The following ZNF536 variants were observed in gnomAD, a reference collection of about 807,000 sequenced individuals.
The protein encoded by ZNF536 is zinc finger protein 536.
ZNF536 carries 13 observed loss-of-function variants against 84.5 expected under a neutral mutation model. That is an observed-to-expected ratio of 0.15 (90% CI 0.10 to 0.24). The LOEUF is 0.24. Ranked by LOEUF, ZNF536 falls within the 10% of genes least tolerant of loss-of-function variation. ZNF536 has a pLI of 1.00. For missense variants in ZNF536, 1,536 were observed against 1,747.5 expected (o/e 0.88, Z 2.16); for synonymous variants, 811 against 742.5 (o/e 1.09, Z -1.50).
At chr19:30,443,245 A>T (rs946712860) in intron 1 of ZNF536, among the ~76,000 whole-genome samples, 1 of 152,204 alleles carries the variant, frequency 6.6e-6, no homozygotes, top group Non-Finnish European at 1.5e-5. Context: ...AAAGTTTCAC[A>T]CGTAGACCCT....
intron 2 of ZNF536, among the ~76,000 whole-genome samples, chr19:30,339,433 C>T (rs763352446): frequency 2.0e-5 from 3 of 152,194 alleles, no homozygotes; most frequent in Non-Finnish European, 4.4e-5. Context: ...GGGTGAGGTG[C>T]AGGTGGGAAT....
chr19:30,670,828 T>A (rs2050522024), intron 1 of ZNF536, among the ~76,000 whole-genome samples: 2 of 152,200 alleles, frequency 1.3e-5, no homozygotes, highest in Admixed American at 1.3e-4. Flanking sequence ...CTCTGCTGTA[T>A]CCCTGCCAGG....
At chr19:30,598,508 C>T (rs1004980179) in intron 1 of ZNF536, among the ~76,000 whole-genome samples, 1 of 152,148 alleles carries the variant, frequency 6.6e-6, no homozygotes, top group African/African-American at 2.4e-5. Flanking sequence ...CCTAGGGACT[C>T]CACTTTCTTC....
chr19:30,291,694 T>C (rs1286698936), intron 2 of ZNF536, among the ~76,000 whole-genome samples: 1 of 152,244 alleles, frequency 6.6e-6, no homozygotes, highest in Non-Finnish European at 1.5e-5. Context: ...ATTTGGCATT[T>C]CTGCCAGCAG....
chr19:30,371,196 A>G (rs1001155282), upstream of ZNF536, among the ~76,000 whole-genome samples: 1 of 152,238 alleles, frequency 6.6e-6, no homozygotes, highest in Non-Finnish European at 1.5e-5. Flanking sequence ...AAAAATGACA[A>G]TCTGCCACCT....
intron 1 of ZNF536, among the ~76,000 whole-genome samples, chr19:30,701,851 T>C (rs1010088670): frequency 3.3e-5 from 5 of 152,164 alleles, no homozygotes; most frequent in East Asian, 1.9e-4. Context: ...CTGCCATATC[T>C]CCCTACTGAC....
Position 30,700,495 on chromosome 19 carries a change from C to A in ZNF536, c.170-10262C>A, listed in dbSNP as rs193078597. 2.7e-3 allele frequency among the ~76,000 whole-genome samples: 404 copies of A among 152,200 alleles called. 1 individual carries two copies. The highest frequency in any genetic ancestry group is 9.2e-3 in the African/African-American group (383 of 41,500). The stretch of plus-strand genomic sequence containing the variant: ...CTCCAACTCTTGGGCTCAAGTGACC[C>A]TCCTGCCTCAGGCTCCCAAGTAGCT... On this transcript the variant is annotated intron_variant, in intron 1 of 1. Transcript: ENST00000592773.
At chr19:30,337,816 A>G (rs2047428912) in intron 2 of ZNF536, among the ~76,000 whole-genome samples, 1 of 152,232 alleles carries the variant, frequency 6.6e-6, no homozygotes, top group Non-Finnish European at 1.5e-5. Context: ...AACGCATGGA[A>G]GTTGAAGAAC....
At chr19:30,498,488 CTGGGCTTAATACCTAGGTGA>C (rs1397189852) in intron 2 of ZNF536, among the ~76,000 whole-genome samples, 2 of 152,010 alleles carry the variant, frequency 1.3e-5, no homozygotes, top group African/African-American at 4.8e-5. Context: ...CTAATGAATA[CTGGGCTTAATACCTAGGTGA>C]TGGGTTAACA....
chr19:30,280,849 C>A lies in ZNF536; in HGVS notation c.-189-3223C>A, dbSNP rs760765685. 5.9e-5 allele frequency among the ~76,000 whole-genome samples: 9 copies of A among 152,294 alleles called. No homozygotes were observed. The East Asian group carries it at 1.2e-3, about 20-fold the overall frequency. Reference sequence around the variant, plus strand: ...GACGATATGGGAGGGAGGAGGGTGCCTCATCCCCTGTGGGGAGCCCTTGTG... The same window carrying A: ...GACGATATGGGAGGGAGGAGGGTGCATCATCCCCTGTGGGGAGCCCTTGTG... On this transcript the variant is annotated intron_variant, in intron 1 of 5. Coordinates refer to the ZNF536 transcript ENST00000585628.
chr19:30,431,079 T>C (rs1402358091), intron 1 of ZNF536, among the ~76,000 whole-genome samples: 1 of 152,180 alleles, frequency 6.6e-6, no homozygotes, highest in African/African-American at 2.4e-5. Context: ...CTGATCACGG[T>C]TCGAAATTGG....
At chr19:30,703,783 T>A (rs1030716085) in intron 1 of ZNF536, among the ~76,000 whole-genome samples, 26 of 152,192 alleles carry the variant, frequency 1.7e-4, no homozygotes, top group Non-Finnish European at 3.7e-4. Context: ...TTCTTCGTCA[T>A]TTACCAATGT....
chr19:30,268,417 T>C (rs1468323102), intron 1 of ZNF536, among the ~76,000 whole-genome samples: 2 of 152,178 alleles, frequency 1.3e-5, no homozygotes, highest in African/African-American at 2.4e-5. Flanking sequence ...GGTATAGTCC[T>C]GGTGTGGTTT....
intron 1 of ZNF536, among the ~76,000 whole-genome samples, chr19:30,653,622 G>T (rs1206278349): frequency 6.6e-6 from 1 of 152,028 alleles, no homozygotes; most frequent in African/African-American, 2.4e-5. Context: ...TCCCTTAGGA[G>T]CAGAGGATGG....
At chr19:30,702,810 C>T (rs998916565) in intron 1 of ZNF536, among the ~76,000 whole-genome samples, 1 of 152,114 alleles carries the variant, frequency 6.6e-6, no homozygotes, top group Non-Finnish European at 1.5e-5. Flanking sequence ...TGTTCCTTTG[C>T]TGGAAAAAAA....
At position 30,612,313 on chromosome 19, in the gene ZNF536, G is replaced by A. The variant is rs536169673; in HGVS notation, c.169+62799G>A. On this transcript the variant is annotated intron_variant, in intron 1 of 1. Coordinates refer to the ZNF536 transcript ENST00000592773. ...AGGGTGTTGAGACTCTTGGATATAA[G>A]TAATTAGATTTCAGGCAAGCTCTCA... 1.4e-4 allele frequency among the ~76,000 whole-genome samples: 21 copies of A among 152,296 alleles called. No individual in the cohort carries two copies. The South Asian group carries it at 4.4e-3, about 32-fold the overall frequency.
intron 2 of ZNF536, among the ~76,000 whole-genome samples, chr19:30,492,721 G>T (rs1202527707): frequency 6.6e-6 from 1 of 152,120 alleles, no homozygotes; most frequent in Non-Finnish European, 1.5e-5. Flanking sequence ...TATGCTGTTG[G>T]CTCTTACTCA....
rs374170552 is a variant in ZNF536, at chr19:30,549,306, G to A, written c.3687G>A (p.Pro1229=). ...QGLVSPLSQA[P]EKQWHSQGLL... ...TGGTCTCACCTTTATCCCAAGCACC[G>A]GAGAAGCAGTGGCACAGCCAGGGTC... Residue 1229 remains proline (P), a synonymous_variant, in exon 4 of 5, where the codon CCG becomes CCA. Transcript: ENST00000355537. The A allele has an allele frequency of 8.5e-5, 137 of 1,612,546 alleles. No individual in the cohort carries two copies. The highest frequency in any genetic ancestry group is 1.0e-4 in the Non-Finnish European group (122 of 1,179,428).
intron 1 of ZNF536, among the ~76,000 whole-genome samples, chr19:30,646,992 C>T (rs894746599): frequency 6.6e-6 from 1 of 152,112 alleles, no homozygotes; most frequent in African/African-American, 2.4e-5. Context: ...TCATTCTCCA[C>T]CCCCCACCAC....
Sources: gnomAD v4.1 joint callset for allele counts (sites outside exome capture counted in the v4.1 genomes callset) on GRCh38, gnomAD v4.1.1 for gene constraint, MANE v1.5 for transcripts, NCBI Gene and HGNC (gene_info 2026-07-23, HGNC 2026-07-21) for gene names.